Variants in XPR1 observed in about 807,000 individuals in gnomAD.
The protein encoded by XPR1 is solute carrier family 53 member 1.
XPR1 carries 28 observed loss-of-function variants against 87.5 expected under a neutral mutation model. That is an observed-to-expected ratio of 0.32 (90% CI 0.24 to 0.44). XPR1 has a LOEUF of 0.44. Ranked by LOEUF, XPR1 falls within the 20% of genes least tolerant of loss-of-function variation. The probability of loss-of-function intolerance (pLI) is 1.00; values close to 1 mark genes in which losing one functional copy is unlikely to be tolerated. For synonymous variants in XPR1, 300 were observed against 306.1 expected (o/e 0.98, Z 0.21); for missense variants, 559 against 862.3 (o/e 0.65, Z 4.41).
chr1:180,801,919 C>T (rs1188246092), intron 3 of XPR1, among the ~76,000 whole-genome samples: 1 of 151,944 alleles, frequency 6.6e-6, no homozygotes, highest in Non-Finnish European at 1.5e-5. Flanking sequence ...GCCTCAGCCT[C>T]CCAAGTAGCT....
intron 2 of XPR1, among the ~76,000 whole-genome samples, chr1:180,724,371 G>A (rs1658268962): frequency 6.6e-6 from 1 of 151,996 alleles, no homozygotes; most frequent in South Asian, 2.1e-4. Flanking sequence ...TTTTACAGGA[G>A]AAAAAATGAG....
chr1:180,840,224 T>C (rs904180144), intron 11 of XPR1, among the ~76,000 whole-genome samples: 1 of 56,110 alleles, frequency 1.8e-5, no homozygotes. Flanking sequence ...AGCGAGACTC[T>C]GTCTCAAAAA....
chr1:180,781,846 A>G lies in XPR1; in HGVS notation c.122-5907A>G, dbSNP rs981034668. On this transcript the variant is annotated intron_variant, in intron 2 of 14. Transcript: ENST00000367590. ...AGACAGTCTCTGATGCCCAGGCTGG[A>G]GTGCGGTGGCACGAACTCGGCTCAC... 5.9e-5 allele frequency among the ~76,000 whole-genome samples: 9 copies of G among 151,952 alleles called. 1 individual carries two copies. The highest frequency in any genetic ancestry group is 8.8e-5 in the Non-Finnish European group (6 of 67,954).
intron 2 of XPR1, among the ~76,000 whole-genome samples, chr1:180,737,265 AG>A (rs1658757917): frequency 6.6e-6 from 1 of 152,160 alleles, no homozygotes; most frequent in South Asian, 2.1e-4. Context: ...ACGTTATGTA[AG>A]GGCAACAAGT....
intron 1 of XPR1, among the ~76,000 whole-genome samples, chr1:180,659,333 T>G (rs1346925016): frequency 1.5e-5 from 2 of 135,250 alleles, no homozygotes; most frequent in Non-Finnish European, 3.2e-5. Context: ...TCTTCCTTCC[T>G]TCCTTCCGTC....
At chr1:180,727,182 C>T (rs1658384610) in intron 2 of XPR1, among the ~76,000 whole-genome samples, 1 of 151,952 alleles carries the variant, frequency 6.6e-6, no homozygotes, top group Admixed American at 6.6e-5. Context: ...GCTTTAATCT[C>T]TAATATGATG....
rs1202077927 is a variant in XPR1, at chr1:180,863,784, C to T, written c.1578C>T (p.Leu526=). Residue 526 remains leucine, a synonymous_variant, in exon 12 of 15, where the codon CTC becomes CTT. Transcript: ENST00000367590. ...VFYIISSCYT[L]IWDLKMDWGL... is the part of the protein sequence containing the mutation. ...ATATCATCAGTTCCTGCTATACCCT[C>T]ATCTGGGATCTCAAGATGGACTGGG... The T allele has an allele frequency of 3.1e-6, 5 of 1,611,974 alleles. No individual in the cohort carries two copies. The highest frequency in any genetic ancestry group is 4.2e-6 in the Non-Finnish European group (5 of 1,179,060).
intron 1 of XPR1, among the ~76,000 whole-genome samples, chr1:180,679,755 A>G (rs554189251): frequency 6.6e-6 from 1 of 152,314 alleles, no homozygotes; most frequent in South Asian, 2.1e-4. Context: ...GTAAACCGAT[A>G]CTGTCTTTAT....
chr1:180,783,470 C>T (rs1345391719), intron 2 of XPR1, among the ~76,000 whole-genome samples: 1 of 151,726 alleles, frequency 6.6e-6, no homozygotes, highest in African/African-American at 2.4e-5. Flanking sequence ...TGTGAGAATC[C>T]TTCTCATACC....
chr1:180,825,016 A>C, intron 8 of XPR1, 73 bp downstream of exon 8: 1 of 1,522,500 alleles, frequency 6.6e-7, no homozygotes, highest in East Asian at 2.3e-5. Flanking sequence ...TTTAGTGGGT[A>C]CTTAAATCCA....
At chr1:180,682,219 A>G (rs1656600050) in intron 1 of XPR1, 141 bp from the exon 2 acceptor site, 2 of 497,800 alleles carry the variant, frequency 4.0e-6, no homozygotes, top group East Asian at 3.5e-5. Flanking sequence ...ATTTTAGTTT[A>G]TAAATGTTAA....
chr1:180,656,350 AATATT>A (rs1655469148), intron 1 of XPR1, among the ~76,000 whole-genome samples: 3 of 108,730 alleles, frequency 2.8e-5, no homozygotes, highest in South Asian at 2.4e-4. Context: ...TTATATATTT[AATATT>A]TATATATATA....
At chr1:180,847,181 C>T (rs1651714673) in intron 11 of XPR1, among the ~76,000 whole-genome samples, 1 of 152,158 alleles carries the variant, frequency 6.6e-6, no homozygotes. Flanking sequence ...GAAAATTAGG[C>T]AGAAACTCTA....
intron 2 of XPR1, among the ~76,000 whole-genome samples, chr1:180,763,301 T>G (rs1648124790): frequency 6.6e-6 from 1 of 152,200 alleles, no homozygotes; most frequent in African/African-American, 2.4e-5. Flanking sequence ...GGGAACACAG[T>G]GACTAAAGAC....
chr1:180,761,510 A>G (rs1002461697), intron 2 of XPR1, among the ~76,000 whole-genome samples: 1 of 152,170 alleles, frequency 6.6e-6, no homozygotes, highest in Non-Finnish European at 1.5e-5. Flanking sequence ...GCCAAAAAAC[A>G]CATGAAAAAA....
intron 1 of XPR1, among the ~76,000 whole-genome samples, chr1:180,656,618 AT>A (rs1198135729): frequency 9.4e-6 from 1 of 106,666 alleles, no homozygotes; most frequent in Non-Finnish European, 1.8e-5. Context: ...TGTATAATAT[AT>A]TTTATATATG....
At chr1:180,855,680 G>A (rs557534431) in intron 11 of XPR1, among the ~76,000 whole-genome samples, 1 of 149,982 alleles carries the variant, frequency 6.7e-6, no homozygotes, top group African/African-American at 2.5e-5. Flanking sequence ...AAAAAAAAGT[G>A]GGGGGAGGGG....
At chr1:180,668,251 C>T (rs940322110) in intron 1 of XPR1, among the ~76,000 whole-genome samples, 9 of 151,906 alleles carry the variant, frequency 5.9e-5, no homozygotes, top group Admixed American at 5.9e-4. Context: ...GCCTCAGCCT[C>T]CCAAGTAGTT....
intron 2 of XPR1, among the ~76,000 whole-genome samples, chr1:180,742,295 C>T (rs1280007748): frequency 6.6e-6 from 1 of 152,038 alleles, no homozygotes; most frequent in African/African-American, 2.4e-5. Context: ...CCTGTAAGCA[C>T]TGTTTTAGCA....
Sources: allele counts gnomAD v4.1 joint callset (sites outside exome capture counted in the v4.1 genomes callset), GRCh38; gene constraint gnomAD v4.1.1; transcripts MANE v1.5; gene names NCBI Gene and HGNC (gene_info 2026-07-23, HGNC 2026-07-21).